Variants in PIP5K1B observed in about 807,000 individuals in gnomAD.
The protein encoded by PIP5K1B is phosphatidylinositol-4-phosphate 5-kinase type 1 beta.
Under a neutral mutation model 67.0 loss-of-function variants are expected in PIP5K1B, and 42 were observed. The observed-to-expected ratio is 0.63, with a 90% CI of 0.49 to 0.81. The LOEUF is 0.81. Ranked by LOEUF, PIP5K1B falls within the 30% of genes least tolerant of loss-of-function variation. The pLI is 0.00. For missense variants in PIP5K1B, 459 were observed against 646.3 expected, an observed-to-expected ratio of 0.71 and a Z score of 3.14; for synonymous variants, 214 against 231.4, an observed-to-expected ratio of 0.92 and a Z score of 0.68.
chr9:68,955,640 C>G (rs1282427405), intron 14 of PIP5K1B, among the ~76,000 whole-genome samples: 3 of 152,126 alleles, frequency 2.0e-5, no homozygotes, highest in Non-Finnish European at 4.4e-5. Flanking sequence ...CACTTCTTTG[C>G]CAAAACAGGA....
chr9:68,793,164 G>A (rs1274017297), intron 2 of PIP5K1B, among the ~76,000 whole-genome samples: 2 of 91,432 alleles, frequency 2.2e-5, no homozygotes, highest in Non-Finnish European at 5.1e-5. Context: ...AAGCAGAGTT[G>A]TTGAAGGGAA....
At chr9:68,955,505 T>C (rs746900159) in intron 14 of PIP5K1B, among the ~76,000 whole-genome samples, 1 of 152,210 alleles carries the variant, frequency 6.6e-6, no homozygotes, top group African/African-American at 2.4e-5. Flanking sequence ...TCCCGTGACA[T>C]AGAAACAGTT....
chr9:68,836,710 C>T (rs1312144874), intron 4 of PIP5K1B, among the ~76,000 whole-genome samples: 2 of 151,960 alleles, frequency 1.3e-5, no homozygotes, highest in Non-Finnish European at 2.9e-5. Flanking sequence ...TGAATTGCTT[C>T]AGATGAGTTA....
At chr9:68,994,038 T>A (rs1375826743) in intron 15 of PIP5K1B, among the ~76,000 whole-genome samples, 2 of 24,038 alleles carry the variant, frequency 8.3e-5, no homozygotes, top group African/African-American at 1.9e-4. Context: ...TTTTCCTGAA[T>A]TTTTTTTTTT....
chr9:68,776,924 A>G (rs1688512193), intron 2 of PIP5K1B, among the ~76,000 whole-genome samples: 1 of 152,216 alleles, frequency 6.6e-6, no homozygotes, highest in Admixed American at 6.5e-5. Flanking sequence ...TAGTAACTCA[A>G]TATATTAAAC....
At chr9:68,827,977 T>C (rs1475304784) in intron 4 of PIP5K1B, among the ~76,000 whole-genome samples, 2 of 152,166 alleles carry the variant, frequency 1.3e-5, no homozygotes, top group Admixed American at 1.3e-4. Context: ...CAAACAGATG[T>C]CAGGGTGGTT....
chr9:68,793,674 G>T (rs1429000971), intron 2 of PIP5K1B, among the ~76,000 whole-genome samples: 1 of 152,152 alleles, frequency 6.6e-6, no homozygotes, highest in African/African-American at 2.4e-5. Flanking sequence ...CTATGGCTGT[G>T]GAGGTGAGTG....
intron 14 of PIP5K1B, among the ~76,000 whole-genome samples, chr9:68,949,421 C>G (rs1445159859): frequency 3.3e-5 from 5 of 152,218 alleles, no homozygotes; most frequent in Non-Finnish European, 7.3e-5. Flanking sequence ...AAACTCTTCT[C>G]CCCTCTCTGT....
Position 68,969,410 on chromosome 9 carries a change from G to A in PIP5K1B, c.1503-21730G>A, listed in dbSNP as rs151249157. On this transcript the variant is annotated intron_variant, in intron 14 of 15. Coordinates refer to ENST00000265382, the MANE Select transcript of PIP5K1B (RefSeq NM_003558.4). ...AAAAACTGTAAATGAGATAATGTAT[G>A]TGGCAGGCTCAGAGCCTCAATCAAG... Among the ~76,000 whole-genome samples, 975 of 149,990 alleles carry A rather than the reference G, an allele frequency of 6.5e-3. 10 individuals carry two copies. The highest frequency in any genetic ancestry group is 0.023 in the African/African-American group (922 of 40,896).
intron 2 of PIP5K1B, among the ~76,000 whole-genome samples, chr9:68,792,771 G>T (rs954732554): frequency 6.6e-6 from 1 of 152,146 alleles, no homozygotes; most frequent in African/African-American, 2.4e-5. Context: ...GAGCCACTGC[G>T]CCTGGCCCAC....
At chr9:68,743,224 TC>T (rs1829103933) in intron 2 of PIP5K1B, among the ~76,000 whole-genome samples, 1 of 151,706 alleles carries the variant, frequency 6.6e-6, no homozygotes, top group African/African-American at 2.4e-5. Flanking sequence ...TTTTTTTTTT[TC>T]GAAACAGGGT....
At chr9:68,780,778 A>G (rs1226009426) in intron 2 of PIP5K1B, 2 of 1,614,126 alleles carry the variant, frequency 1.2e-6, no homozygotes, top group Non-Finnish European at 1.7e-6. Context: ...TTGAAAAGAA[A>G]ATGTGAAATG....
intron 1 of PIP5K1B, among the ~76,000 whole-genome samples, chr9:68,722,264 G>A (rs1460573615): frequency 6.6e-6 from 1 of 152,134 alleles, no homozygotes; most frequent in Non-Finnish European, 1.5e-5. Flanking sequence ...GGAGTGCAGT[G>A]GTGCGATTTT....
At chr9:68,920,213 G>A (rs1045159094) in intron 11 of PIP5K1B, among the ~76,000 whole-genome samples, 4 of 152,164 alleles carry the variant, frequency 2.6e-5, no homozygotes, top group African/African-American at 9.7e-5. Context: ...GGATAGTAAT[G>A]ACACCTGCTT....
At chr9:68,847,960 C>A (rs1187241015) in intron 4 of PIP5K1B, among the ~76,000 whole-genome samples, 3 of 152,144 alleles carry the variant, frequency 2.0e-5, no homozygotes, top group Admixed American at 1.3e-4. Context: ...TTCTGTAATT[C>A]TATGTGGGGT....
At chr9:68,715,683 G>A (rs2132249140) in intron 1 of PIP5K1B, among the ~76,000 whole-genome samples, 1 of 152,254 alleles carries the variant, frequency 6.6e-6, no homozygotes, top group South Asian at 2.1e-4. Context: ...ATGTAGAATT[G>A]TCTTGAGTGA....
At chr9:68,987,914 G>A (rs1000275694) in intron 14 of PIP5K1B, among the ~76,000 whole-genome samples, 20 of 152,288 alleles carry the variant, frequency 1.3e-4, no homozygotes, top group East Asian at 1.9e-4. Flanking sequence ...TGGGAATTAT[G>A]AGATTACAAT....
chr9:68,880,346 A>G (rs1048983933), intron 6 of PIP5K1B, among the ~76,000 whole-genome samples: 3 of 152,200 alleles, frequency 2.0e-5, no homozygotes, highest in Non-Finnish European at 4.4e-5. Flanking sequence ...TGAGGTCAGG[A>G]GTTCAAGACC....
intron 4 of PIP5K1B, among the ~76,000 whole-genome samples, chr9:68,855,980 C>T (rs188335311): frequency 9.2e-5 from 14 of 152,294 alleles, no homozygotes; most frequent in African/African-American, 3.4e-4. Flanking sequence ...TCTTATAGTT[C>T]TGGAGGTCAA....
Sources: gnomAD v4.1 joint callset for allele counts (sites outside exome capture counted in the v4.1 genomes callset) on GRCh38, gnomAD v4.1.1 for gene constraint, MANE v1.5 for transcripts, NCBI Gene and HGNC (gene_info 2026-07-23, HGNC 2026-07-21) for gene names.